Variants in EEFSEC observed in about 807,000 individuals in gnomAD.
EEFSEC encodes eukaryotic elongation factor, selenocysteine-tRNA specific.
EEFSEC carries 43 observed loss-of-function variants against 42.1 expected under a neutral mutation model. The ratio of observed to expected loss-of-function variants is 1.02; its 90% confidence interval spans 0.80 to 1.32. The LOEUF (loss-of-function observed/expected upper bound fraction) is 1.32, where lower values mean the gene tolerates loss of function less well. Ranked by LOEUF, EEFSEC falls within the 40% of genes most tolerant of loss-of-function variation. The probability of loss-of-function intolerance (pLI) is 0.00; values close to 1 mark genes in which losing one functional copy is unlikely to be tolerated. For missense variants in EEFSEC, 745 were observed against 803.6 expected, an observed-to-expected ratio of 0.93 and a Z score of 0.88; for synonymous variants, 354 against 339.1, an observed-to-expected ratio of 1.04 and a Z score of -0.48.
chr3:128,219,442 G>A (rs1279808115), intron 1 of EEFSEC, among the ~76,000 whole-genome samples: 2 of 152,130 alleles, frequency 1.3e-5, no homozygotes. Flanking sequence ...TTGGCTTGCT[G>A]TCTGCAGCCA....
intron 1 of EEFSEC, among the ~76,000 whole-genome samples, chr3:128,227,488 G>C (rs892981626): frequency 7.9e-5 from 12 of 152,168 alleles, no homozygotes; most frequent in African/African-American, 2.9e-4. Flanking sequence ...CTTCAGCTTA[G>C]GGTTAGTCAA....
chr3:128,248,046 G>T (rs2107901016), intron 2 of EEFSEC, among the ~76,000 whole-genome samples: 1 of 152,328 alleles, frequency 6.6e-6, no homozygotes, highest in Admixed American at 6.5e-5. Context: ...AAAGCCACCT[G>T]GTTGCTCAGG....
At chr3:128,243,495 G>A (rs1276737075) in intron 1 of EEFSEC, among the ~76,000 whole-genome samples, 1 of 152,208 alleles carries the variant, frequency 6.6e-6, no homozygotes, top group Non-Finnish European at 1.5e-5. Context: ...GGTGAATAAA[G>A]TAGAAGAGGC....
At chr3:128,422,620 A>G in the EEFSEC span, among the ~76,000 whole-genome samples, 2 of 152,292 alleles carry the variant, frequency 1.3e-5, no homozygotes, top group East Asian at 3.9e-4. Context: ...GCCCTGGCCC[A>G]TTAGTTTATT....
intron 4 of EEFSEC, among the ~76,000 whole-genome samples, chr3:128,269,127 A>G (rs2107941961): frequency 6.6e-6 from 1 of 152,260 alleles, no homozygotes; most frequent in East Asian, 1.9e-4. Context: ...TGGCATGCCC[A>G]TCCCACAAGT....
chr3:128,348,289 T>TGCGTGTGTGTGTGC (rs1559933319), intron 5 of EEFSEC, among the ~76,000 whole-genome samples: 2 of 151,770 alleles, frequency 1.3e-5, no homozygotes, highest in Non-Finnish European at 2.9e-5. Context: ...TGTGTGTGTG[T>TGCGTGTGTGTGTGC]GTGCGTGTGT....
intron 2 of EEFSEC, among the ~76,000 whole-genome samples, chr3:128,255,543 G>A (rs1304256604): frequency 1.3e-5 from 2 of 152,208 alleles, no homozygotes; most frequent in African/African-American, 4.8e-5. Flanking sequence ...GCTCTTGGGA[G>A]CCCTTTGTGT....
intron 4 of EEFSEC, among the ~76,000 whole-genome samples, chr3:128,330,543 G>A (rs903712390): frequency 5.3e-5 from 8 of 152,112 alleles, no homozygotes; most frequent in Non-Finnish European, 1.0e-4. Flanking sequence ...TGAGCTGGTC[G>A]GGGGACCCCT....
intron 1 of EEFSEC, among the ~76,000 whole-genome samples, chr3:128,178,387 T>A (rs1485966715): frequency 6.6e-6 from 1 of 152,182 alleles, no homozygotes; most frequent in East Asian, 1.9e-4. Flanking sequence ...AAAATTCAGC[T>A]CCTAAAGATC....
intron 6 of EEFSEC, among the ~76,000 whole-genome samples, chr3:128,382,686 G>A (rs1189635442): frequency 6.6e-6 from 1 of 152,086 alleles, no homozygotes; most frequent in Non-Finnish European, 1.5e-5. Context: ...GGCAAAAGGA[G>A]CCCTCTTCCC....
At chr3:128,356,298 T>G (rs1393668875) in intron 5 of EEFSEC, among the ~76,000 whole-genome samples, 1 of 152,226 alleles carries the variant, frequency 6.6e-6, no homozygotes, top group Non-Finnish European at 1.5e-5. Context: ...GGACTGTGCC[T>G]TTTTTGTTTC....
intron 5 of EEFSEC, among the ~76,000 whole-genome samples, chr3:128,354,939 G>C (rs9840629): frequency 6.6e-6 from 1 of 152,196 alleles, no homozygotes; most frequent in African/African-American, 2.4e-5. Context: ...CACTGGGGAC[G>C]TGAATTGATC....
At chr3:128,234,674 C>T (rs1204615102) in intron 1 of EEFSEC, among the ~76,000 whole-genome samples, 2 of 152,206 alleles carry the variant, frequency 1.3e-5, no homozygotes, top group Non-Finnish European at 2.9e-5. Context: ...CCCACCCTGC[C>T]TTAGGTGGAT....
intron 5 of EEFSEC, among the ~76,000 whole-genome samples, chr3:128,349,662 C>T (rs1164107818): frequency 6.6e-6 from 1 of 152,230 alleles, no homozygotes; most frequent in Non-Finnish European, 1.5e-5. Context: ...TTGCCCCTGG[C>T]AGCATGCATA....
chr3:128,395,773 G>A (rs559812242), intron 6 of EEFSEC, among the ~76,000 whole-genome samples: 49 of 152,274 alleles, frequency 3.2e-4, no homozygotes, highest in South Asian at 4.1e-4. Flanking sequence ...AGTTAGCCCC[G>A]AGCTGACGGA....
At chr3:128,273,718 C>A (rs2066438341) in intron 4 of EEFSEC, among the ~76,000 whole-genome samples, 2 of 152,220 alleles carry the variant, frequency 1.3e-5, no homozygotes, top group Admixed American at 1.3e-4. Flanking sequence ...TAGGCCTAAG[C>A]ATTTCACACA....
At chr3:128,236,908 G>A (rs1351206852) in intron 1 of EEFSEC, among the ~76,000 whole-genome samples, 1 of 152,228 alleles carries the variant, frequency 6.6e-6, no homozygotes, top group Non-Finnish European at 1.5e-5. Flanking sequence ...TTCACTTACT[G>A]TGTTTTAATG....
intron 2 of EEFSEC, among the ~76,000 whole-genome samples, chr3:128,252,134 C>G (rs2066193802): frequency 6.6e-6 from 1 of 152,154 alleles, no homozygotes; most frequent in Non-Finnish European, 1.5e-5. Flanking sequence ...GCTTTTTAAA[C>G]ACTTTCTATT....
At chr3:128,264,098 G>A (rs1318855048) in intron 3 of EEFSEC, among the ~76,000 whole-genome samples, 2 of 152,214 alleles carry the variant, frequency 1.3e-5, no homozygotes, top group African/African-American at 4.8e-5. Flanking sequence ...TATTGCTGCA[G>A]TACAGGCGAG....
Sources: allele counts gnomAD v4.1 joint callset (sites outside exome capture counted in the v4.1 genomes callset), GRCh38; gene constraint gnomAD v4.1.1; transcripts MANE v1.5; gene names NCBI Gene and HGNC (gene_info 2026-07-23, HGNC 2026-07-21).